Variants in NRXN1 observed in about 807,000 individuals in gnomAD.
NRXN1 encodes the protein neurexin 1.
Under a neutral mutation model 150.9 loss-of-function variants are expected in NRXN1, and 39 were observed. The observed-to-expected ratio is 0.26, with a 90% confidence interval of 0.20 to 0.34. The LOEUF (loss-of-function observed/expected upper bound fraction) is 0.34, where lower values mean the gene tolerates loss of function less well. Among genes scored for constraint, NRXN1 ranks in the 10% least tolerant of loss-of-function variants. The pLI, the probability that NRXN1 is intolerant of heterozygous loss-of-function variation, is 1.00. For synonymous variants in NRXN1, 924 were observed against 757.0 expected, an observed-to-expected ratio of 1.22 and a Z score of -3.62; for missense variants, 1,815 against 1,949.9, an observed-to-expected ratio of 0.93 and a Z score of 1.30.
intron 5 of NRXN1, chr2:50,631,009 C>T (rs1682212637): frequency 2.5e-6 from 1 of 406,260 alleles, no homozygotes; most frequent in East Asian, 8.2e-5. Context: ...AATCCTCAGT[C>T]CTTAAGAAAT....
At chr2:50,937,885 A>G (rs1014118627) in intron 2 of NRXN1, among the ~76,000 whole-genome samples, 5 of 152,174 alleles carry the variant, frequency 3.3e-5, no homozygotes, top group African/African-American at 9.6e-5. Flanking sequence ...TTGTGCAAGC[A>G]TAATAGGGTG....
At chr2:50,215,238 A>C (rs1362414426) in intron 18 of NRXN1, among the ~76,000 whole-genome samples, 1 of 151,894 alleles carries the variant, frequency 6.6e-6, no homozygotes. Flanking sequence ...CTTGTATTGC[A>C]TTAAAAGAAA....
Position 51,010,662 on chromosome 2 carries a change from T to G in NRXN1, c.772+16840A>C, listed in dbSNP as rs530317872. ...GTTAAAGGAAATACACATTTACATT[T>G]TCATAGTTACTGTTAAACTGCCTCT... On this transcript the variant is annotated intron_variant, in intron 2 of 22. Coordinates refer to ENST00000401669, the MANE Select transcript of NRXN1 (RefSeq NM_001330078.2). Among the ~76,000 whole-genome samples the G allele has an allele frequency of 3.9e-5, 6 of 152,200 alleles. No homozygotes were observed. In the South Asian group the frequency reaches 1.2e-3, roughly 32 times the overall value.
chr2:50,498,105 C>G (rs1391814659), intron 13 of NRXN1, among the ~76,000 whole-genome samples: 1 of 151,928 alleles, frequency 6.6e-6, no homozygotes, highest in Non-Finnish European at 1.5e-5. Context: ...CTCAGTCACC[C>G]AACTAGAAAG....
intron 8 of NRXN1, among the ~76,000 whole-genome samples, chr2:50,581,827 T>C (rs1183476458): frequency 6.6e-6 from 1 of 152,156 alleles, no homozygotes. Flanking sequence ...AACTGATTTA[T>C]CCAAGAGCAT....
chr2:49,964,867 G>A (rs1676671566), intron 21 of NRXN1, among the ~76,000 whole-genome samples: 1 of 152,028 alleles, frequency 6.6e-6, no homozygotes, highest in Non-Finnish European at 1.5e-5. Context: ...ATAAAGTCTT[G>A]AAATGATAAA....
At chr2:50,790,139 A>T in intron 5 of NRXN1, among the ~76,000 whole-genome samples, 1 of 150,854 alleles carries the variant, frequency 6.6e-6, no homozygotes, top group East Asian at 2.0e-4. Flanking sequence ...CTCCCACCAC[A>T]CACACACACA....
chr2:50,029,390 C>T (rs1688854485), intron 21 of NRXN1, among the ~76,000 whole-genome samples: 1 of 152,106 alleles, frequency 6.6e-6, no homozygotes, highest in African/African-American at 2.4e-5. Context: ...TGCCCAAATC[C>T]ATATATATCA....
intron 17 of NRXN1, among the ~76,000 whole-genome samples, chr2:50,431,138 A>G (rs2084931361): frequency 6.6e-6 from 1 of 152,118 alleles, no homozygotes; most frequent in African/African-American, 2.4e-5. Context: ...CTCTTCTTCA[A>G]ACATTATCTC....
intron 5 of NRXN1, among the ~76,000 whole-genome samples, chr2:50,693,452 G>A (rs1692354567): frequency 6.6e-6 from 1 of 151,966 alleles, no homozygotes; most frequent in South Asian, 2.1e-4. Flanking sequence ...TGGTCCTTTG[G>A]TCCACTATAC....
intron 18 of NRXN1, among the ~76,000 whole-genome samples, chr2:50,225,461 AG>A: frequency 6.6e-6 from 1 of 151,996 alleles, no homozygotes; most frequent in East Asian, 1.9e-4. Flanking sequence ...GGACATATAA[AG>A]ACATAGTTAT....
intron 18 of NRXN1, among the ~76,000 whole-genome samples, chr2:50,115,279 T>A (rs1461006494): frequency 6.7e-6 from 1 of 149,114 alleles, no homozygotes; most frequent in African/African-American, 2.5e-5. Flanking sequence ...ATATTTTATA[T>A]ACCAAAGAAA....
intron 17 of NRXN1, among the ~76,000 whole-genome samples, chr2:50,355,122 G>T (rs1039902465): frequency 1.3e-5 from 2 of 151,864 alleles, no homozygotes; most frequent in Non-Finnish European, 2.9e-5. Context: ...AATATATGTT[G>T]TAGAGCATAT....
At chr2:50,951,126 T>C (rs143793694) in intron 2 of NRXN1, among the ~76,000 whole-genome samples, 5 of 152,282 alleles carry the variant, frequency 3.3e-5, no homozygotes, top group African/African-American at 9.6e-5. Flanking sequence ...TTTGAAACAA[T>C]GTATTAGAAA....
chr2:50,281,896 A>T (rs2071507081), intron 17 of NRXN1, among the ~76,000 whole-genome samples: 1 of 152,168 alleles, frequency 6.6e-6, no homozygotes, highest in Non-Finnish European at 1.5e-5. Flanking sequence ...TCCTTAAAAT[A>T]AACATATCAA....
At chr2:50,216,770 G>A (rs11897191) in intron 18 of NRXN1, among the ~76,000 whole-genome samples, 16,424 of 152,040 alleles carry the variant, frequency 0.11, 1,197 homozygotes, top group East Asian at 0.37. Context: ...GATCAATGAT[G>A]CCACGTTAGC....
chr2:50,203,545 C>T (rs559893143), intron 18 of NRXN1, among the ~76,000 whole-genome samples: 1 of 152,100 alleles, frequency 6.6e-6, no homozygotes, highest in Non-Finnish European at 1.5e-5. Flanking sequence ...TCTTTGGATG[C>T]TGTCTACTCC....
chr2:51,012,055 T>C (rs1667958665), intron 2 of NRXN1, among the ~76,000 whole-genome samples: 1 of 152,034 alleles, frequency 6.6e-6, no homozygotes, highest in Non-Finnish European at 1.5e-5. Context: ...AATGAAATCA[T>C]GCATGTTGTC....
At chr2:50,621,277 A>G in intron 6 of NRXN1, 28 bp from the exon 7 acceptor site, 2 of 1,535,900 alleles carry the variant, frequency 1.3e-6, no homozygotes, top group Non-Finnish European at 1.8e-6. Context: ...GAGAAAGGAA[A>G]TTAAAAACTG....
Sources: allele counts gnomAD v4.1 joint callset (sites outside exome capture counted in the v4.1 genomes callset), GRCh38; gene constraint gnomAD v4.1.1; transcripts MANE v1.5; gene names NCBI Gene and HGNC (gene_info 2026-07-23, HGNC 2026-07-21).